Variants in PCDHGA7 observed in about 807,000 individuals in gnomAD.
PCDHGA7 encodes protocadherin gamma-A7.
Under a neutral mutation model 58.3 loss-of-function variants are expected in PCDHGA7, and 44 were observed. The observed-to-expected ratio is 0.75, with a 90% CI of 0.59 to 0.97. The LOEUF is 0.97. Ranked by LOEUF, PCDHGA7 falls within the 50% of genes least tolerant of loss-of-function variation. The pLI, the probability that PCDHGA7 is intolerant of heterozygous loss-of-function variation, is 0.00. For missense variants in PCDHGA7, 1,266 were observed against 1,188.7 expected (o/e 1.06, Z -0.96); for synonymous variants, 516 against 504.2 (o/e 1.02, Z -0.31).
chr5:141,414,613 G>A (rs957641063), intron 1 of PCDHGA7: 2 of 1,613,988 alleles, frequency 1.2e-6, no homozygotes, highest in East Asian at 4.5e-5. Flanking sequence ...CTCAGTGACA[G>A]CGCTGGACCC....
chr5:141,499,836 A>G (rs2099794751), intron 2 of PCDHGA7, among the ~76,000 whole-genome samples: 1 of 151,894 alleles, frequency 6.6e-6, no homozygotes, highest in African/African-American at 2.4e-5. Flanking sequence ...ACAGGTGTGC[A>G]CCACCACACA....
At chr5:141,385,542 A>T (rs3763123) in intron 1 of PCDHGA7, 69,535 of 1,326,660 alleles carry the variant, frequency 0.052, 2,028 homozygotes, top group African/African-American at 0.1. Flanking sequence ...GAATATGTGG[A>T]CTATCACATT....
Position 141,485,449 on chromosome 5 carries a change from A to G in PCDHGA7, c.2425-9358A>G, listed in dbSNP as rs2099613844. 6.2e-7 allele frequency: 1 copy of G among 1,614,054 alleles called. No homozygotes were observed. The highest frequency in any genetic ancestry group is 2.2e-5 in the East Asian group (1 of 44,876). On this transcript the variant is annotated intron_variant, in intron 1 of 3. Coordinates refer to ENST00000518325, the MANE Select transcript of PCDHGA7 (RefSeq NM_018920.4). The surrounding 1 kb of genome is among the most constrained non-coding windows in gnomAD (Gnocchi z 5.7). ...TGCTCATCAAGAACCCAATCGACCG[A>G]GAGGCACTGTGTGGGCTCAGTGCCA...
intron 1 of PCDHGA7, chr5:141,478,642 T>C (rs777741719): frequency 6.4e-7 from 1 of 1,552,350 alleles, no homozygotes; most frequent in Non-Finnish European, 8.7e-7. Context: ...GTGATGAAGA[T>C]GTTTTCCTGG....
At chr5:141,435,614 C>T (rs1274100711) in intron 1 of PCDHGA7, among the ~76,000 whole-genome samples, 1 of 152,056 alleles carries the variant, frequency 6.6e-6, no homozygotes, top group Non-Finnish European at 1.5e-5. Context: ...ACATTAAATT[C>T]CCCATAACTT....
At chr5:141,438,607 T>C (rs924136790) in intron 1 of PCDHGA7, among the ~76,000 whole-genome samples, 2 of 27,412 alleles carry the variant, frequency 7.3e-5, no homozygotes. Flanking sequence ...TATATATATA[T>C]ATATATATAT....
chr5:141,382,974 A>G lies in PCDHGA7; in HGVS notation c.75A>G (p.Glu25=). The change falls in exon 1 of 4, where the codon GAA becomes GAG. Residue 25 remains glutamate (E), a synonymous_variant. Coordinates refer to ENST00000518325, the MANE Select transcript of PCDHGA7 (RefSeq NM_018920.4). ...LLSILLGTPW[E]AWAGRILYSV... is the part of the protein sequence containing the mutation. ...CCATCCTCCTGGGGACCCCCTGGGA[A>G]GCCTGGGCAGGACGTATTCTCTACT... is the stretch of plus-strand genomic sequence containing the variant. 1 of 1,610,398 alleles carries G rather than the reference A, an allele frequency of 6.2e-7. No individual in the cohort carries two copies. Among genetic ancestry groups the G allele is most frequent in the Non-Finnish European group, 8.5e-7 (1 of 1,177,336 alleles).
chr5:141,390,645 G>C (rs1287845868), intron 1 of PCDHGA7: 1 of 218,998 alleles, frequency 4.6e-6, no homozygotes, highest in Admixed American at 5.3e-5. Context: ...ACTTTTTTCA[G>C]CTTGGATATA....
In PCDHGA7 at chr5:141,485,115, G is replaced by A. The variant is rs1043877839; in HGVS notation, c.2425-9692G>A. 6.9e-6 allele frequency: 9 copies of A among 1,300,470 alleles called. No individual in the cohort carries two copies. Among genetic ancestry groups the A allele is most frequent in the Non-Finnish European group, 1.1e-6 (1 of 911,406 alleles). 80.6% of individuals were successfully genotyped at this position (1,300,470 alleles called of 1,614,324 possible). ...GTGTCTCCAGCTGCTGTGGCTGTTT[G>A]GGGCGGGTCGGCTTCATCCGCGTCT... On this transcript the variant is annotated intron_variant, in intron 1 of 3. Coordinates refer to ENST00000518325, the MANE Select transcript of PCDHGA7 (RefSeq NM_018920.4). The surrounding 1 kb of genome is among the most constrained non-coding windows in gnomAD (Gnocchi z 5.7).
Position 141,431,300 on chromosome 5 carries a change from A to G in PCDHGA7, c.2424+45977A>G, listed in dbSNP as rs200375087. 7.4e-6 allele frequency: 12 copies of G among 1,614,008 alleles called. No homozygotes were observed. Among genetic ancestry groups the G allele is most frequent in the Admixed American group, 1.7e-5 (1 of 60,010 alleles). ...CAGCCCGAACACTCACTTCTCCCTC[A>G]TCGTGCAAAATGGAGCCGACGGTAG... On this transcript the variant is annotated intron_variant, in intron 1 of 3. Coordinates refer to ENST00000518325, the MANE Select transcript of PCDHGA7 (RefSeq NM_018920.4). This position sits in a 1 kb window ranked among gnomAD's most constrained non-coding sequence, Gnocchi z 4.8.
intron 1 of PCDHGA7, among the ~76,000 whole-genome samples, chr5:141,462,086 A>G (rs993185274): frequency 6.6e-6 from 1 of 151,408 alleles, no homozygotes; most frequent in Non-Finnish European, 1.5e-5. Flanking sequence ...GCCTCCCAAA[A>G]TGCTGGGATT....
At chr5:141,466,146 T>C (rs977109086) in intron 1 of PCDHGA7, among the ~76,000 whole-genome samples, 5 of 151,880 alleles carry the variant, frequency 3.3e-5, no homozygotes, top group Non-Finnish European at 7.4e-5. Context: ...GTGAAAACTC[T>C]GGTCTTAAAC....
intron 1 of PCDHGA7, chr5:141,398,776 G>A: frequency 6.2e-7 from 1 of 1,613,904 alleles, no homozygotes; most frequent in Non-Finnish European, 8.5e-7. Flanking sequence ...TGCCTTGGAC[G>A]GTGGACATCC....
chr5:141,475,715 C>A (rs989484033), intron 1 of PCDHGA7, among the ~76,000 whole-genome samples: 3 of 152,366 alleles, frequency 2.0e-5, no homozygotes, highest in South Asian at 4.1e-4. Context: ...AGCCTCACAG[C>A]CCCAAGGCTG....
chr5:141,475,955 C>A, intron 1 of PCDHGA7: 1 of 800,218 alleles, frequency 1.2e-6, no homozygotes, highest in Non-Finnish European at 1.9e-6. Flanking sequence ...TTCTGCGCCC[C>A]GGGATGAGGC....
At position 141,402,836 on chromosome 5, in the gene PCDHGA7, A is replaced by G. The variant is rs115293033; in HGVS notation, c.2424+17513A>G. 4.8e-4 allele frequency: 668 copies of G among 1,379,778 alleles called. 2 individuals are homozygous for G. The African/African-American group carries it at 8.5e-3, about 18-fold the overall frequency. 85.5% of individuals were successfully genotyped at this position (1,379,778 alleles called of 1,614,324 possible). On this transcript the variant is annotated intron_variant, in intron 1 of 3. Coordinates refer to ENST00000518325, the MANE Select transcript of PCDHGA7 (RefSeq NM_018920.4). ...ACAAACCTGCTCCCAGGCTGCAGCA[A>G]AACTCAGCCTCTTTCTTCTAAGGAA...
intron 1 of PCDHGA7, chr5:141,410,374 G>A: frequency 6.2e-7 from 1 of 1,613,976 alleles, no homozygotes; most frequent in Non-Finnish European, 8.5e-7. Flanking sequence ...CTGCTACTTG[G>A]GACTGCTTCC....
At position 141,511,516 on chromosome 5, in the gene PCDHGA7, T is replaced by A. The variant is rs2099883825; in HGVS notation, c.*343T>A. ...CTTCCAAATCAATCAGGCCCATCCA[T>A]CCCATGCCTCCCTCCTCCCCACCCC... is the stretch of plus-strand genomic sequence containing the variant. On this transcript the variant is annotated 3_prime_UTR_variant, in exon 4 of 4. Transcript: ENST00000518325. 1 of 365,020 alleles carries A rather than the reference T, an allele frequency of 2.7e-6. No individual in the cohort carries two copies. Among genetic ancestry groups the A allele is most frequent in the Admixed American group, 4.0e-5 (1 of 25,162 alleles). The allele number at this position is 365,020 out of a possible 1,614,324, so 22.6% of individuals were successfully genotyped here.
intron 1 of PCDHGA7, chr5:141,414,141 A>T (rs1162904324): frequency 1.3e-6 from 2 of 1,597,216 alleles, no homozygotes; most frequent in East Asian, 2.3e-5. Context: ...ATGAAATAGA[A>T]ATACAAGCAG....
Sources: gnomAD v4.1 joint callset for allele counts (sites outside exome capture counted in the v4.1 genomes callset) on GRCh38, gnomAD v4.1.1 for gene constraint, Gnocchi (gnomAD v3.1) non-coding constraint, MANE v1.5 for transcripts, NCBI Gene and HGNC (gene_info 2026-07-23, HGNC 2026-07-21) for gene names.